Variants in OSBPL8 observed in about 807,000 individuals in gnomAD.
The protein encoded by OSBPL8 is oxysterol binding protein like 8.
A neutral mutation model predicts 125.5 loss-of-function variants in OSBPL8; 59 were observed. The ratio of observed to expected loss-of-function variants is 0.47; its 90% CI spans 0.38 to 0.58. OSBPL8 has a LOEUF of 0.58. Ranked by LOEUF, OSBPL8 falls within the 20% of genes least tolerant of loss-of-function variation. OSBPL8 has a pLI of 0.00. For missense variants in OSBPL8, 758 were observed against 1,047.8 expected (o/e 0.72, Z 3.82); for synonymous variants, 330 against 338.9 (o/e 0.97, Z 0.29).
At chr12:76,379,663 T>C (rs1952962471) in intron 15 of OSBPL8, among the ~76,000 whole-genome samples, 1 of 152,238 alleles carries the variant, frequency 6.6e-6, no homozygotes, top group African/African-American at 2.4e-5. Context: ...TAGCACAATG[T>C]CTTTCAGGTT....
At chr12:76,532,594 T>C (rs190135037) in intron 1 of OSBPL8, among the ~76,000 whole-genome samples, 7 of 152,260 alleles carry the variant, frequency 4.6e-5, no homozygotes, top group Admixed American at 2.0e-4. Context: ...TGTTTTAACC[T>C]GTCCGGACCC....
In OSBPL8 at chr12:76,394,704, G is replaced by C. The variant is rs763628424; in HGVS notation, c.698C>G (p.Ser233Cys). The change falls in exon 9 of 24, where the codon TCC becomes TGC. Residue 233 changes from serine (S) to cysteine (C), a missense_variant. Coordinates refer to ENST00000261183, the MANE Select transcript of OSBPL8 (RefSeq NM_020841.5). ...VKGPKGEAVG[S>C]ITQPLPSSYL... ...ACTGCTAGGTAAGGGTTGAGTAATG[G>C]ATCCAACCGCTTCACCTTTTGGACC... is the stretch of plus-strand genomic sequence containing the variant. The C allele has an allele frequency of 1.2e-6, 2 of 1,612,170 alleles. No individual in the cohort carries two copies. Among genetic ancestry groups the C allele is most frequent in the Non-Finnish European group, 1.7e-6 (2 of 1,179,254 alleles).
rs764940616 is a variant in OSBPL8, at chr12:76,450,948, T to G, written c.120A>C (p.Pro40=). 6.2e-7 allele frequency: 1 copy of G among 1,613,892 alleles called. No individual in the cohort carries two copies. The highest frequency in any genetic ancestry group is 8.5e-7 in the Non-Finnish European group (1 of 1,179,894). The change falls in exon 4 of 24, where the codon CCA becomes CCC. Residue 40 remains proline, a synonymous_variant. Coordinates refer to ENST00000261183, the MANE Select transcript of OSBPL8 (RefSeq NM_020841.5). ...TTCCTTGGCGCTGACTCATCTTTCCTGGTGTCAGAAGCTGAGATTCGTCAC... is the reference window on the plus strand; with the variant it reads ...TTCCTTGGCGCTGACTCATCTTTCCGGGTGTCAGAAGCTGAGATTCGTCAC... ...ANSDESQLLT[P]GKMSQRQGKE...
intron 7 of OSBPL8, 84 bp downstream of exon 7, chr12:76,399,789 G>A (rs1953972709): frequency 4.0e-6 from 4 of 997,426 alleles, no homozygotes; most frequent in Non-Finnish European, 5.8e-6. Context: ...TTTTTGTCTT[G>A]TAGGCGTTAG....
chr12:76,500,847 T>C (rs2137114529), intron 1 of OSBPL8, among the ~76,000 whole-genome samples: 1 of 152,188 alleles, frequency 6.6e-6, no homozygotes, highest in East Asian at 1.9e-4. Context: ...AGGGGCCACA[T>C]ATATGTTTGG....
At chr12:76,460,438 G>C (rs370738894) in intron 2 of OSBPL8, among the ~76,000 whole-genome samples, 4 of 150,622 alleles carry the variant, frequency 2.7e-5, no homozygotes, top group African/African-American at 9.8e-5. Context: ...GCCAAGCATT[G>C]TGTGAAGAGC....
intron 4 of OSBPL8, among the ~76,000 whole-genome samples, chr12:76,433,974 C>CA (rs34241447): frequency 0.038 from 3,116 of 81,964 alleles, 66 homozygotes; most frequent in Non-Finnish European, 0.046. Flanking sequence ...GACTCCATCT[C>CA]AAAAAAAAAA....
At chr12:76,552,234 G>A (rs1400603868) in intron 1 of OSBPL8, among the ~76,000 whole-genome samples, 2 of 151,728 alleles carry the variant, frequency 1.3e-5, no homozygotes, top group African/African-American at 2.4e-5. Context: ...AGACCAGCCT[G>A]GGCAACATGG....
chr12:76,555,125 C>G (rs911048396), intron 1 of OSBPL8, among the ~76,000 whole-genome samples: 1 of 152,138 alleles, frequency 6.6e-6, no homozygotes, highest in Non-Finnish European at 1.5e-5. Context: ...AGTCACATCA[C>G]TAAAAACAGA....
At chr12:76,511,328 C>T (rs1285277054) in intron 1 of OSBPL8, among the ~76,000 whole-genome samples, 6 of 152,166 alleles carry the variant, frequency 3.9e-5, no homozygotes, top group African/African-American at 1.4e-4. Context: ...ATACTGCTTT[C>T]CACATGGCTG....
At chr12:76,504,524 C>G (rs1365342826) in intron 1 of OSBPL8, among the ~76,000 whole-genome samples, 1 of 152,092 alleles carries the variant, frequency 6.6e-6, no homozygotes, top group African/African-American at 2.4e-5. Context: ...CACTCTTCTT[C>G]TGATGGTGAA....
intron 21 of OSBPL8, among the ~76,000 whole-genome samples, chr12:76,362,484 C>G (rs1952243704): frequency 1.3e-5 from 2 of 152,174 alleles, no homozygotes; most frequent in South Asian, 4.1e-4. Context: ...ATTCAACACC[C>G]TTCATGCTAA....
intron 2 of OSBPL8, among the ~76,000 whole-genome samples, chr12:76,464,536 T>C (rs961807089): frequency 3.3e-5 from 5 of 152,252 alleles, no homozygotes; most frequent in Admixed American, 1.3e-4. Flanking sequence ...AAAGTGATTT[T>C]ATTTTATTGT....
intron 1 of OSBPL8, among the ~76,000 whole-genome samples, chr12:76,554,269 T>C (rs1331547064): frequency 1.3e-5 from 2 of 152,190 alleles, no homozygotes; most frequent in South Asian, 2.1e-4. Flanking sequence ...CTATATTCCA[T>C]CTTCTTATAA....
chr12:76,537,004 A>G (rs1312497023), intron 1 of OSBPL8: 2 of 152,368 alleles, frequency 1.3e-5, no homozygotes, highest in African/African-American at 4.8e-5. Context: ...GAATGCTTAC[A>G]ATTACCAGCT....
intron 6 of OSBPL8, among the ~76,000 whole-genome samples, chr12:76,402,305 T>C (rs146013878): frequency 5.1e-4 from 77 of 152,332 alleles, no homozygotes; most frequent in African/African-American, 1.4e-3. Flanking sequence ...TAAAACATTA[T>C]GCAGGTCAAG....
At chr12:76,360,833 A>T (rs1025187167) in intron 21 of OSBPL8, among the ~76,000 whole-genome samples, 2 of 152,194 alleles carry the variant, frequency 1.3e-5, no homozygotes, top group Admixed American at 1.3e-4. Flanking sequence ...GCAATGGCTG[A>T]AGCGGCTGGG....
intron 12 of OSBPL8, among the ~76,000 whole-genome samples, chr12:76,388,789 A>C (rs559741704): frequency 6.6e-6 from 1 of 152,168 alleles, no homozygotes; most frequent in South Asian, 2.1e-4. Context: ...TAGGGAGGTT[A>C]ACATTTTGTC....
intron 1 of OSBPL8, among the ~76,000 whole-genome samples, chr12:76,530,922 C>A (rs1950321613): frequency 1.3e-5 from 2 of 152,194 alleles, no homozygotes; most frequent in Non-Finnish European, 2.9e-5. Flanking sequence ...CATCAATGAA[C>A]TACATAAATG....
Sources: gnomAD v4.1 joint callset for allele counts (sites outside exome capture counted in the v4.1 genomes callset) on GRCh38, gnomAD v4.1.1 for gene constraint, MANE v1.5 for transcripts, NCBI Gene and HGNC (gene_info 2026-07-23, HGNC 2026-07-21) for gene names.